The following PGAP3 variants were observed in gnomAD, a reference collection of about 807,000 sequenced individuals.
PGAP3 encodes the protein GPI-specific phospholipase A2-like PGAP3.
A neutral mutation model predicts 40.3 loss-of-function variants in PGAP3; 31 were observed. The observed-to-expected ratio is 0.77, with a 90% CI of 0.58 to 1.04. PGAP3 has a LOEUF of 1.04. Among genes scored for constraint, PGAP3 ranks in the 50% least tolerant of loss-of-function variants. PGAP3 has a pLI of 0.00. For missense variants in PGAP3, 413 were observed against 423.0 expected (o/e 0.98, Z 0.21); for synonymous variants, 191 against 184.5 (o/e 1.04, Z -0.29).
intron 3 of PGAP3, among the ~76,000 whole-genome samples, chr17:39,682,583 C>T (rs1284957223): frequency 1.3e-5 from 2 of 152,146 alleles, no homozygotes; most frequent in Non-Finnish European, 2.9e-5. Context: ...CTCCAAAACA[C>T]AGCTCAAGTG....
chr17:39,673,167 C>T lies in PGAP3; in HGVS notation c.783G>A (p.Leu261=). The T allele has an allele frequency of 6.3e-7, 1 of 1,590,116 alleles. No individual in the cohort carries two copies. Among genetic ancestry groups the T allele is most frequent in the Non-Finnish European group, 8.6e-7 (1 of 1,168,936 alleles). Reference sequence around the variant, plus strand: ...CGAGCAGGGACAGCCCCTGCAGCAGCAAGACCACCACCACGCACTTGCGCA... The same window carrying T: ...CGAGCAGGGACAGCCCCTGCAGCAGTAAGACCACCACCACGCACTTGCGCA... ...PHVRKCVVVV[L]LLQGLSLLEL... The change falls in exon 7 of 8, where the codon TTG becomes TTA. Residue 261 remains leucine, a synonymous_variant. Coordinates refer to ENST00000300658, the MANE Select transcript of PGAP3 (RefSeq NM_033419.5).
At chr17:39,682,215 G>A in intron 3 of PGAP3, among the ~76,000 whole-genome samples, 1 of 94,538 alleles carries the variant, frequency 1.1e-5, no homozygotes, top group East Asian at 3.6e-4. Flanking sequence ...GACAGAGTGA[G>A]ACTCTGTCTC....
intron 5 of PGAP3, 61 bp downstream of exon 5, chr17:39,673,932 G>T: frequency 6.4e-7 from 1 of 1,558,878 alleles, no homozygotes; most frequent in Non-Finnish European, 8.8e-7. Context: ...GGGAAGGCTG[G>T]GTGACCCCTT....
At position 39,672,497 on chromosome 17, in the gene PGAP3, G is replaced by A. The variant is rs1212233317; in HGVS notation, c.*306C>T. 6.9e-6 allele frequency: 3 copies of A among 436,710 alleles called. No homozygotes were observed. Among genetic ancestry groups the A allele is most frequent in the Non-Finnish European group, 1.3e-5 (3 of 238,724 alleles). 27.1% of individuals were successfully genotyped at this position (436,710 alleles called of 1,614,324 possible). A position where few individuals can be genotyped will look rare whatever the true frequency, so the allele number is the denominator to read the frequency against. ...GGGATGTGGGGAGGAGGCTGATGGGGAGGAAACAGGCAGCTGTCCTCCCGG... is the reference window on the plus strand; with the variant it reads ...GGGATGTGGGGAGGAGGCTGATGGGAAGGAAACAGGCAGCTGTCCTCCCGG... On this transcript the variant is annotated 3_prime_UTR_variant, in exon 8 of 8. Transcript: ENST00000300658.
At chr17:39,674,156 G>A (rs1002250090) in intron 4 of PGAP3, 102 bp from the exon 5 acceptor site, 3 of 1,165,838 alleles carry the variant, frequency 2.6e-6, no homozygotes, top group African/African-American at 3.0e-5. Context: ...CCGGGGTCCT[G>A]GGCCTGCCTA....
chr17:39,674,378 A>C (rs1004368024), intron 4 of PGAP3, among the ~76,000 whole-genome samples: 1 of 152,142 alleles, frequency 6.6e-6, no homozygotes, highest in African/African-American at 2.4e-5. Flanking sequence ...GGTGCCCCTA[A>C]GCATGTGGTC....
In PGAP3 at chr17:39,687,875, T is replaced by A. The variant is rs770814890; in HGVS notation, c.140A>T (p.Asn47Ile). ...EEQNCSGGALNHFRSRQPIYM... is the reference protein window; with the variant it reads ...EEQNCSGGALIHFRSRQPIYM... ...GATTGGCTGGCGGGAGCGGAAGTGATTCAGAGCGCCCCCAGAGCAGTTCTG... is the reference window on the plus strand; with the variant it reads ...GATTGGCTGGCGGGAGCGGAAGTGAATCAGAGCGCCCCCAGAGCAGTTCTG... Residue 47 changes from asparagine (N) to isoleucine (I), a missense_variant, in exon 1 of 8, where the codon AAT becomes ATT. Coordinates refer to ENST00000300658, the MANE Select transcript of PGAP3 (RefSeq NM_033419.5). The A allele has an allele frequency of 3.3e-6, 5 of 1,503,046 alleles. No individual in the cohort carries two copies. The Admixed American group carries it at 6.0e-5, about 18-fold the overall frequency. The allele number at this position is 1,503,046 out of a possible 1,614,324, so 93.1% of individuals were successfully genotyped here. A position where few individuals can be genotyped will look rare whatever the true frequency, so the allele number is the denominator to read the frequency against.
chr17:39,686,485 A>G (rs1221725410), intron 1 of PGAP3, among the ~76,000 whole-genome samples: 4 of 150,174 alleles, frequency 2.7e-5, no homozygotes, highest in African/African-American at 7.4e-5. Flanking sequence ...TGAACTCCCA[A>G]CCTCAGGTTA....
At chr17:39,685,889 C>T in intron 2 of PGAP3, 33 bp downstream of exon 2, 1 of 1,583,842 alleles carries the variant, frequency 6.3e-7, no homozygotes, top group Non-Finnish European at 8.7e-7. Context: ...TACCACGCTA[C>T]TACCATATGC....
At chr17:39,673,330 C>A in intron 6 of PGAP3, 75 bp from the exon 7 acceptor site, 1 of 1,562,556 alleles carries the variant, frequency 6.4e-7, no homozygotes, top group South Asian at 1.2e-5. Flanking sequence ...ACTCCATGCT[C>A]TCTGACCCCA....
At chr17:39,682,292 T>C (rs189313863) in intron 3 of PGAP3, among the ~76,000 whole-genome samples, 1 of 150,008 alleles carries the variant, frequency 6.7e-6, no homozygotes, top group Admixed American at 6.7e-5. Context: ...TTTCTTTCTA[T>C]TGTTCTGTTT....
chr17:39,687,354 A>C (rs1443813719), intron 1 of PGAP3, among the ~76,000 whole-genome samples: 1 of 152,232 alleles, frequency 6.6e-6, no homozygotes, highest in African/African-American at 2.4e-5. Context: ...TTCTTTGCCC[A>C]CTATGGTCCA....
rs2057320670 is a variant in PGAP3 at position 39,672,602 on chromosome 17, C to G, written c.*201G>C. On this transcript the variant is annotated 3_prime_UTR_variant, in exon 8 of 8. Coordinates refer to ENST00000300658, the MANE Select transcript of PGAP3 (RefSeq NM_033419.5). ...GCTGCCCACTCTCGAGTCCCAGATG[C>G]TGGGAGGCCTTCCCTAGAACAGACT... 17 of 614,562 alleles carry G rather than the reference C, an allele frequency of 2.8e-5. No homozygotes were observed. The highest frequency in any genetic ancestry group is 4.9e-5 in the Non-Finnish European group (17 of 346,766). 38.1% of individuals were successfully genotyped at this position (614,562 alleles called of 1,614,324 possible). A position where few individuals can be genotyped will look rare whatever the true frequency, so the allele number is the denominator to read the frequency against.
chr17:39,676,782 A>G (rs2941506), intron 3 of PGAP3: 90,143 of 152,198 alleles, frequency 0.59, 27,728 homozygotes, highest in South Asian at 0.7. Context: ...ATCATAGTTG[A>G]TAAGGGTTTA....
At chr17:39,675,853 T>C (rs2057369540) in intron 3 of PGAP3, among the ~76,000 whole-genome samples, 1 of 152,214 alleles carries the variant, frequency 6.6e-6, no homozygotes, top group African/African-American at 2.4e-5. Context: ...CTAGTGCCCC[T>C]GTCTGGCCTG....
chr17:39,674,904 G>T (rs972828729), intron 3 of PGAP3, among the ~76,000 whole-genome samples: 3 of 152,154 alleles, frequency 2.0e-5, no homozygotes, highest in East Asian at 1.9e-4. Context: ...AAGGCCACGG[G>T]GGGCTGCAGC....
chr17:39,673,566 C>T lies in PGAP3; in HGVS notation c.642G>A (p.Leu214=), dbSNP rs936528016. The T allele has an allele frequency of 3.1e-6, 5 of 1,613,998 alleles. No individual in the cohort carries two copies. The highest frequency in any genetic ancestry group is 1.7e-5 in the Admixed American group (1 of 60,006). The change falls in exon 6 of 8, where the codon CTG becomes CTA. Residue 214 remains leucine, a synonymous_variant. Coordinates refer to ENST00000300658, the MANE Select transcript of PGAP3 (RefSeq NM_033419.5). ...AGCCATAGTCGAAGCGGATGAGGCT[C>T]AGGTAGGAGACGTGCACGGTCAGCA... The part of the protein sequence containing the change: ...LLMLTVHVSY[L]SLIRFDYGYN...
chr17:39,673,015 A>C (rs763975177), intron 7 of PGAP3, 36 bp downstream of exon 7: 2 of 1,588,496 alleles, frequency 1.3e-6, no homozygotes, highest in Admixed American at 3.6e-5. Flanking sequence ...GGAAGGGTCC[A>C]AAGAAGGTGA....
intron 3 of PGAP3, among the ~76,000 whole-genome samples, chr17:39,684,280 G>A (rs1169822963): frequency 6.6e-6 from 1 of 152,058 alleles, no homozygotes; most frequent in Non-Finnish European, 1.5e-5. Context: ...ATCCTCTTTA[G>A]CCCCCCATCT....
Sources: gnomAD v4.1 joint callset for allele counts (sites outside exome capture counted in the v4.1 genomes callset) on GRCh38, gnomAD v4.1.1 for gene constraint, MANE v1.5 for transcripts, NCBI Gene and HGNC (gene_info 2026-07-23, HGNC 2026-07-21) for gene names.